Variants in NISCH observed in about 807,000 individuals in gnomAD.
The protein encoded by NISCH is nischarin.
NISCH carries 55 observed loss-of-function variants against 138.4 expected under a neutral mutation model. The ratio of observed to expected loss-of-function variants is 0.40; its 90% CI spans 0.32 to 0.50. The LOEUF (loss-of-function observed/expected upper bound fraction) is 0.50, where lower values mean the gene tolerates loss of function less well. Ranked by LOEUF, NISCH falls within the 20% of genes least tolerant of loss-of-function variation. The pLI, the probability that NISCH is intolerant of heterozygous loss-of-function variation, is 0.71. For missense variants in NISCH, 1,643 were observed against 2,005.5 expected (o/e 0.82, Z 3.45); for synonymous variants, 860 against 861.5 (o/e 1.00, Z 0.03).
chr3:52,489,619 C>T lies in NISCH; in HGVS notation c.3397C>T (p.His1133Tyr), dbSNP rs1707508337. The T allele has an allele frequency of 3.2e-5, 51 of 1,613,032 alleles. No homozygotes were observed. Among genetic ancestry groups the T allele is most frequent in the Non-Finnish European group, 4.2e-5 (49 of 1,179,946 alleles). Reference protein sequence around the residue: ...SHLPACPSLRHVASLRGSAII... With the variant: ...SHLPACPSLRYVASLRGSAII... ...CTTGCCTGCCTGCCCGTCGCTCCGG[C>T]ACGTCGCCAGCCTGCGGGGCAGCGC... The change falls in exon 17 of 21, where the codon CAC (histidine) becomes TAC (tyrosine). Residue 1133 changes from histidine (H) to tyrosine (Y), a missense_variant. By Grantham distance (83) the His-to-Tyr change is moderately conservative. Transcript: ENST00000345716.
At position 52,455,649 on chromosome 3, in the gene NISCH, C is replaced by A. The variant is rs559044709; in HGVS notation, c.8C>A (p.Thr3Asn). ...GGCGGCGGAGACCCGAACATGGCGA[C>A]CGCGCGCACCTTCGGGCCCGAGCGG... MA[T>N]ARTFGPEREA... The change falls in exon 1 of 21, where the codon ACC becomes AAC. Residue 3 changes from threonine (T) to asparagine (N), a missense_variant. Physicochemically the swap from Thr to Asn is moderately conservative, Grantham distance 65. Coordinates refer to ENST00000345716, the MANE Select transcript of NISCH (RefSeq NM_007184.4). 7.5e-7 allele frequency: 1 copy of A among 1,342,070 alleles called. No homozygotes were observed. The highest frequency in any genetic ancestry group is 9.6e-7 in the Non-Finnish European group (1 of 1,038,480). The allele number at this position is 1,342,070 out of a possible 1,614,324, so 83.1% of individuals were successfully genotyped here.
At chr3:52,474,398 G>A (rs925002135) in intron 7 of NISCH, among the ~76,000 whole-genome samples, 2 of 152,076 alleles carry the variant, frequency 1.3e-5, no homozygotes, top group East Asian at 1.9e-4. Context: ...CCGGGTTCAC[G>A]CCATTCTCCT....
intron 3 of NISCH, among the ~76,000 whole-genome samples, chr3:52,461,691 G>A (rs1032360280): frequency 3.3e-5 from 5 of 151,888 alleles, no homozygotes; most frequent in African/African-American, 2.4e-5. Flanking sequence ...GTGAAACCCC[G>A]TCTCTACTAA....
intron 2 of NISCH, 54 bp downstream of exon 2, chr3:52,457,980 A>G: frequency 7.4e-7 from 1 of 1,360,066 alleles, no homozygotes; most frequent in Non-Finnish European, 1.1e-6. Context: ...CCCGTAGGCC[A>G]ACTTTCCATT....
rs1406417900 is a variant in NISCH at position 52,488,582 on chromosome 3, C to G, written c.3090C>G (p.Gly1030=). ...GCCCCCAGGGCTCCTTTGCGGATGG[C>G]CAGCCTGCCGAGCGCAGGGCCAGGT... is the stretch of plus-strand genomic sequence containing the variant. ...GGSPQGSFAD[G]QPAERRASND... Residue 1030 remains glycine (G), a synonymous_variant, in exon 16 of 21, where the codon GGC becomes GGG. Transcript: ENST00000345716. The G allele has an allele frequency of 6.2e-7, 1 of 1,611,030 alleles. No individual in the cohort carries two copies. Among genetic ancestry groups the G allele is most frequent in the Non-Finnish European group, 8.5e-7 (1 of 1,178,950 alleles).
rs1191169417 is a variant in NISCH, at chr3:52,489,386, C to T, written c.3164C>T (p.Pro1055Leu). 1 of 1,611,360 alleles carries T rather than the reference C, an allele frequency of 6.2e-7. No individual in the cohort carries two copies. Among genetic ancestry groups the T allele is most frequent in the South Asian group, 1.1e-5 (1 of 91,008 alleles). Reference protein sequence around the residue: ...EVPAEALAPAPAEVPAPAPAA... With the variant: ...EVPAEALAPALAEVPAPAPAA... ...CCAGCAGAGGCTCTGGCCCCGGCCC[C>T]AGCGGAAGTCCCAGCTCCAGCCCCT... The change falls in exon 17 of 21, where the codon CCA (proline) becomes CTA (leucine). Residue 1055 changes from proline (P) to leucine (L), a missense_variant. Coordinates refer to ENST00000345716, the MANE Select transcript of NISCH (RefSeq NM_007184.4).
In NISCH at chr3:52,472,211, G is replaced by A. The variant is rs973751942; in HGVS notation, c.574-92G>A. ...AGCCTGCTTTGTTGAAGACAGAAGT[G>A]GTCAAAGTTGTCTTCAACTTGTCAG... is the stretch of plus-strand genomic sequence containing the variant. On this transcript the variant is annotated intron_variant, in intron 5 of 20. Transcript: ENST00000345716. The A allele has an allele frequency of 3.0e-5, 37 of 1,246,708 alleles. No individual in the cohort carries two copies. In the Admixed American group the frequency reaches 6.0e-4, roughly 20 times the overall value. 77.2% of individuals were successfully genotyped at this position (1,246,708 alleles called of 1,614,324 possible). A position where few individuals can be genotyped will look rare whatever the true frequency, so the allele number is the denominator to read the frequency against.
intron 13 of NISCH, among the ~76,000 whole-genome samples, chr3:52,483,992 T>C (rs1390532974): frequency 1.3e-5 from 2 of 152,242 alleles, no homozygotes; most frequent in Non-Finnish European, 2.9e-5. Context: ...TTGCCTTTCT[T>C]TGTGTACTTC....
intron 3 of NISCH, among the ~76,000 whole-genome samples, chr3:52,460,186 C>CA (rs60865450): frequency 0.82 from 46,318 of 56,164 alleles, 19,500 homozygotes; most frequent in East Asian, 0.93. Flanking sequence ...GACTTCATCT[C>CA]AAAAAAAAAA....
At chr3:52,466,563 CA>C (rs56199620) in intron 3 of NISCH, among the ~76,000 whole-genome samples, 111,334 of 122,682 alleles carry the variant, frequency 0.91, 50,408 homozygotes, top group East Asian at 0.96. Flanking sequence ...GACTCCATCT[CA>C]AAAAAAAAAA....
At chr3:52,477,000 A>C (rs534415837) in intron 8 of NISCH, among the ~76,000 whole-genome samples, 1 of 152,244 alleles carries the variant, frequency 6.6e-6, no homozygotes, top group African/African-American at 2.4e-5. Context: ...GGGCCACTGC[A>C]TTCCAGCCTG....
intron 3 of NISCH, among the ~76,000 whole-genome samples, chr3:52,461,479 CAT>C (rs1041933823): frequency 1.2e-4 from 18 of 152,142 alleles, no homozygotes; most frequent in Non-Finnish European, 2.5e-4. Flanking sequence ...CTTTCGTAAA[CAT>C]ATTTTTATAC....
chr3:52,464,419 C>A (rs1376539348), intron 3 of NISCH, among the ~76,000 whole-genome samples: 9 of 150,934 alleles, frequency 6.0e-5, no homozygotes, highest in Non-Finnish European at 7.4e-5. Flanking sequence ...ACAAAAAAAA[C>A]AGATTATCTT....
rs918117046 is a variant in NISCH at position 52,471,730 on chromosome 3, G to T, written c.410-84G>T. The T allele has an allele frequency of 2.6e-4, 372 of 1,404,020 alleles. 1 individual carries two copies. Among genetic ancestry groups the T allele is most frequent in the Middle Eastern group, 3.6e-4 (2 of 5,544 alleles). 87.0% of individuals were successfully genotyped at this position (1,404,020 alleles called of 1,614,324 possible). A position where few individuals can be genotyped will look rare whatever the true frequency, so the allele number is the denominator to read the frequency against. ...CACAGTGGGTGCTTGCCAACTGCTT[G>T]TTGACAGAAAAGGTGGAAATCCTGG... is the stretch of plus-strand genomic sequence containing the variant. On this transcript the variant is annotated intron_variant, in intron 4 of 20. Coordinates refer to ENST00000345716, the MANE Select transcript of NISCH (RefSeq NM_007184.4).
chr3:52,462,486 C>G (rs1270963614), intron 3 of NISCH, among the ~76,000 whole-genome samples: 1 of 152,210 alleles, frequency 6.6e-6, no homozygotes, highest in Non-Finnish European at 1.5e-5. Flanking sequence ...AGCCTTTTCT[C>G]CAGGCTGGGA....
intron 3 of NISCH, among the ~76,000 whole-genome samples, chr3:52,461,406 C>A (rs1166545682): frequency 6.6e-6 from 1 of 152,096 alleles, no homozygotes; most frequent in Non-Finnish European, 1.5e-5. Context: ...ACAGATGGGA[C>A]CTGTGTATAT....
At chr3:52,485,717 C>T (rs373550680) in intron 14 of NISCH, 61 bp from the exon 15 acceptor site, 4 of 1,536,306 alleles carry the variant, frequency 2.6e-6, no homozygotes, top group Admixed American at 3.9e-5. Flanking sequence ...GTCTGGCAAC[C>T]AGTAAATGGC....
At chr3:52,455,829 C>G (rs1349723174) in intron 1 of NISCH, 95 bp downstream of exon 1, 8 of 911,668 alleles carry the variant, frequency 8.8e-6, no homozygotes, top group Admixed American at 4.2e-5. Flanking sequence ...TCTGCAGCCC[C>G]GAGGAGCGGG....
intron 16 of NISCH, 107 bp from the exon 17 acceptor site, chr3:52,489,229 C>G: frequency 7.3e-7 from 1 of 1,361,956 alleles, no homozygotes; most frequent in Non-Finnish European, 1.0e-6. Flanking sequence ...CCCAGTAACC[C>G]AGAGGTGATG....
Sources: allele counts gnomAD v4.1 joint callset (sites outside exome capture counted in the v4.1 genomes callset), GRCh38; gene constraint gnomAD v4.1.1; transcripts MANE v1.5; gene names NCBI Gene and HGNC (gene_info 2026-07-23, HGNC 2026-07-21).